IFT57: variants seen among roughly 807,000 people sequenced by gnomAD.
IFT57 encodes the protein intraflagellar transport protein 57 homolog.
A neutral mutation model predicts 56.8 loss-of-function variants in IFT57; 59 were observed. The ratio of observed to expected loss-of-function variants is 1.04; its 90% CI spans 0.84 to 1.29. The LOEUF (loss-of-function observed/expected upper bound fraction) is 1.29. Among genes scored for constraint, IFT57 ranks in the 50% most tolerant of loss-of-function variants. The pLI is 0.00. For missense variants in IFT57, 470 were observed against 522.1 expected, an observed-to-expected ratio of 0.90 and a Z score of 0.97; for synonymous variants, 209 against 186.1, an observed-to-expected ratio of 1.12 and a Z score of -1.00.
chr3:108,196,676 T>C (rs1353178527), intron 5 of IFT57, among the ~76,000 whole-genome samples: 2 of 152,174 alleles, frequency 1.3e-5, no homozygotes, highest in Non-Finnish European at 2.9e-5. Context: ...CTCAAAAATT[T>C]TCACTCACTC....
At chr3:108,168,338 A>G (rs2080074064) in intron 6 of IFT57, among the ~76,000 whole-genome samples, 1 of 151,946 alleles carries the variant, frequency 6.6e-6, no homozygotes, top group Admixed American at 6.6e-5. Context: ...GTTTATAATG[A>G]TTACTGGAGT....
intron 5 of IFT57, among the ~76,000 whole-genome samples, chr3:108,204,344 C>T (rs1318382651): frequency 6.6e-6 from 1 of 152,182 alleles, no homozygotes; most frequent in Non-Finnish European, 1.5e-5. Context: ...TCCAAAGAAT[C>T]TAATACTTAG....
chr3:108,201,846 T>G (rs539942604), intron 5 of IFT57, among the ~76,000 whole-genome samples: 2 of 152,360 alleles, frequency 1.3e-5, no homozygotes, highest in East Asian at 3.9e-4. Context: ...CAGTTTTGCC[T>G]AGATGAAACT....
intron 6 of IFT57, among the ~76,000 whole-genome samples, chr3:108,173,761 G>A (rs975966574): frequency 4.2e-4 from 51 of 121,200 alleles, no homozygotes; most frequent in Non-Finnish European, 9.8e-5. Context: ...GGTAAGTCAG[G>A]GACTCTGTGT....
chr3:108,174,134 C>T (rs908687741), intron 6 of IFT57, among the ~76,000 whole-genome samples: 5 of 149,930 alleles, frequency 3.3e-5, no homozygotes, highest in Non-Finnish European at 7.4e-5. Flanking sequence ...AATTGTATTA[C>T]TTTAATTATC....
chr3:108,210,336 T>TTC (rs2080337150), intron 4 of IFT57, among the ~76,000 whole-genome samples: 1 of 145,926 alleles, frequency 6.9e-6, no homozygotes, highest in South Asian at 2.2e-4. Flanking sequence ...AATAATCTTT[T>TTC]TTTTTTTTTT....
At chr3:108,171,692 T>C (rs2080093083) in intron 6 of IFT57, among the ~76,000 whole-genome samples, 1 of 151,840 alleles carries the variant, frequency 6.6e-6, no homozygotes, top group Non-Finnish European at 1.5e-5. Context: ...CTTCTGCACC[T>C]GGACCAAATA....
chr3:108,194,459 T>A (rs1403160342), intron 5 of IFT57, among the ~76,000 whole-genome samples: 1 of 148,820 alleles, frequency 6.7e-6, no homozygotes, highest in Admixed American at 6.7e-5. Context: ...AAAATACTAA[T>A]GACATTCTTC....
intron 6 of IFT57, among the ~76,000 whole-genome samples, chr3:108,189,127 T>C (rs9288862): frequency 0.096 from 14,649 of 152,308 alleles, 766 homozygotes; most frequent in Middle Eastern, 0.12. Context: ...CAGAAGATTT[T>C]GCTTAATCAG....
intron 1 of IFT57, among the ~76,000 whole-genome samples, chr3:108,220,257 A>C (rs2080398014): frequency 6.6e-6 from 1 of 152,226 alleles, no homozygotes; most frequent in Non-Finnish European, 1.5e-5. Flanking sequence ...AGTCTACTAA[A>C]CACAGTTCTA....
intron 5 of IFT57, among the ~76,000 whole-genome samples, chr3:108,194,774 A>G (rs1208667386): frequency 6.6e-6 from 1 of 152,150 alleles, no homozygotes; most frequent in Middle Eastern, 3.2e-3. Flanking sequence ...TGCTGGAAAA[A>G]CTGGATATTC....
intron 6 of IFT57, among the ~76,000 whole-genome samples, chr3:108,169,596 C>T (rs36046592): frequency 0.096 from 14,647 of 151,898 alleles, 769 homozygotes; most frequent in Middle Eastern, 0.12. Flanking sequence ...CTAGGTTTTC[C>T]TCTCAGGTTT....
intron 6 of IFT57, among the ~76,000 whole-genome samples, chr3:108,189,958 T>C (rs1010544967): frequency 1.3e-5 from 2 of 152,318 alleles, no homozygotes; most frequent in African/African-American, 4.8e-5. Flanking sequence ...ACTATAAAGA[T>C]CTTTATCCTC....
At chr3:108,216,519 A>C (rs1262282560) in intron 3 of IFT57, among the ~76,000 whole-genome samples, 2 of 152,198 alleles carry the variant, frequency 1.3e-5, no homozygotes, top group Non-Finnish European at 2.9e-5. Flanking sequence ...CTTGAACACT[A>C]TTGGTAGGTA....
chr3:108,167,098 AAAG>A, intron 7 of IFT57, 113 bp from the exon 8 acceptor site: 1 of 891,932 alleles, frequency 1.1e-6, no homozygotes, highest in Non-Finnish European at 1.7e-6. Context: ...TACATGTGCA[AAAG>A]AAGACAGCTT....
At chr3:108,185,071 T>A (rs1483526091) in intron 6 of IFT57, among the ~76,000 whole-genome samples, 1 of 152,028 alleles carries the variant, frequency 6.6e-6, no homozygotes. Flanking sequence ...AGAACCATTA[T>A]AAAAAAAGAA....
At chr3:108,209,823 T>A (rs147482445) in intron 4 of IFT57, among the ~76,000 whole-genome samples, 1 of 152,286 alleles carries the variant, frequency 6.6e-6, no homozygotes, top group Non-Finnish European at 1.5e-5. Flanking sequence ...GGGACTACCA[T>A]CAGCTCTTCT....
At chr3:108,170,214 T>C (rs1021791840) in intron 6 of IFT57, among the ~76,000 whole-genome samples, 1 of 152,064 alleles carries the variant, frequency 6.6e-6, no homozygotes, top group East Asian at 1.9e-4. Flanking sequence ...AAATTGTCTC[T>C]GTTTGCAGAT....
chr3:108,174,125 A>G (rs1205614874), intron 6 of IFT57, among the ~76,000 whole-genome samples: 2 of 151,184 alleles, frequency 1.3e-5, no homozygotes, highest in Non-Finnish European at 3.0e-5. Flanking sequence ...CTATAAGGAA[A>G]TTGTATTACT....
Sources: allele counts gnomAD v4.1 joint callset (sites outside exome capture counted in the v4.1 genomes callset), GRCh38; gene constraint gnomAD v4.1.1; transcripts MANE v1.5; gene names NCBI Gene and HGNC (gene_info 2026-07-23, HGNC 2026-07-21).